Variants in LRRC37A2 observed in about 807,000 individuals in gnomAD.
LRRC37A2 encodes the protein leucine-rich repeat-containing protein 37A2.
Under a neutral mutation model 68.8 loss-of-function variants are expected in LRRC37A2, and 9 were observed. The observed-to-expected ratio is 0.13, with a 90% CI of 0.08 to 0.23. LRRC37A2 has a LOEUF of 0.23. LRRC37A2 is among the 10% of genes least tolerant of loss of function. LRRC37A2 has a pLI of 1.00. For synonymous variants in LRRC37A2, 63 were observed against 367.6 expected, an observed-to-expected ratio of 0.17 and a Z score of 9.48; for missense variants, 168 against 950.4, an observed-to-expected ratio of 0.18 and a Z score of 10.82.
chr17:46,851,836 C>G, the LRRC37A2 span: 4 of 470,122 alleles, frequency 8.5e-6, no homozygotes, highest in Non-Finnish European at 1.3e-5. The surrounding 1 kb of genome is among the most constrained non-coding windows in gnomAD (Gnocchi z 4.3). Context: ...CGAACTCAGA[C>G]CCTAGCCCGG....
the LRRC37A2 span, chr17:47,018,381 C>T: frequency 2.7e-5 from 44 of 1,608,782 alleles, no homozygotes; most frequent in Non-Finnish European, 3.1e-5. Flanking sequence ...AGTTTCACCT[C>T]CAGGTCACCA....
At chr17:46,804,706 G>A in the LRRC37A2 span, among the ~76,000 whole-genome samples, 4 of 152,166 alleles carry the variant, frequency 2.6e-5, no homozygotes, top group Admixed American at 6.5e-5. Context: ...GAGGCCAGCC[G>A]GACTTCCTGG....
chr17:46,779,065 A>G, the LRRC37A2 span, among the ~76,000 whole-genome samples: 1 of 93,910 alleles, frequency 1.1e-5, no homozygotes, highest in African/African-American at 3.0e-5. Flanking sequence ...ACACACACAC[A>G]CACACACACA....
At chr17:46,986,466 T>C in the LRRC37A2 span, among the ~76,000 whole-genome samples, 4 of 152,010 alleles carry the variant, frequency 2.6e-5, no homozygotes, top group Non-Finnish European at 5.9e-5. Flanking sequence ...AACTGTAGGG[T>C]GTAATTAAGC....
the LRRC37A2 span, chr17:46,940,876 T>C: frequency 7.1e-7 from 1 of 1,412,136 alleles, no homozygotes; most frequent in South Asian, 1.5e-5. Context: ...CTGCATGTTG[T>C]CACATGACCA....
the LRRC37A2 span, chr17:46,875,132 G>A: frequency 1.2e-6 from 2 of 1,613,826 alleles, no homozygotes; most frequent in Non-Finnish European, 1.7e-6. Context: ...TGTACGCGGT[G>A]TCCTCTGCCG....
the LRRC37A2 span, among the ~76,000 whole-genome samples, chr17:46,730,677 T>C: frequency 6.6e-6 from 1 of 152,184 alleles, no homozygotes; most frequent in Admixed American, 6.5e-5. Context: ...AAAAAATTTT[T>C]CAGTGTCTTT....
At chr17:46,712,412 G>T in the LRRC37A2 span, among the ~76,000 whole-genome samples, 2 of 152,172 alleles carry the variant, frequency 1.3e-5, no homozygotes, top group Non-Finnish European at 2.9e-5. Context: ...ATATTTGTTA[G>T]ATTGGATGTG....
the LRRC37A2 span, among the ~76,000 whole-genome samples, chr17:46,743,246 GA>G: frequency 6.6e-6 from 1 of 152,292 alleles, no homozygotes; most frequent in South Asian, 2.1e-4. Flanking sequence ...TTTTTGGGAA[GA>G]GAGGGATTTT....
chr17:46,601,961 A>T, the LRRC37A2 span, among the ~76,000 whole-genome samples: 1 of 145,504 alleles, frequency 6.9e-6, no homozygotes, highest in Non-Finnish European at 1.5e-5. Context: ...AGGCGGGTGG[A>T]TCACTTGAAG....
At chr17:46,915,884 T>A in the LRRC37A2 span, among the ~76,000 whole-genome samples, 1 of 152,220 alleles carries the variant, frequency 6.6e-6, no homozygotes, top group South Asian at 2.1e-4. Context: ...TGGTACTGAT[T>A]GGCTAATTTG....
chr17:46,818,564 G>GCA, the LRRC37A2 span: 1 of 1,608,812 alleles, frequency 6.2e-7, no homozygotes, highest in Non-Finnish European at 8.5e-7. Flanking sequence ...CCGAGCAGGA[G>GCA]GCCGAGGAGC....
chr17:47,008,212 G>C, the LRRC37A2 span, among the ~76,000 whole-genome samples: 1 of 150,934 alleles, frequency 6.6e-6, no homozygotes, highest in East Asian at 1.9e-4. Flanking sequence ...CTGGGTTCAT[G>C]CCATTCTCCT....
At chr17:46,819,990 C>G in the LRRC37A2 span, among the ~76,000 whole-genome samples, 1 of 152,166 alleles carries the variant, frequency 6.6e-6, no homozygotes, top group African/African-American at 2.4e-5. The surrounding 1 kb of genome is among the most constrained non-coding windows in gnomAD (Gnocchi z 5.3). Context: ...GAGCAGGGAC[C>G]GCTGTGTAGG....
the LRRC37A2 span, among the ~76,000 whole-genome samples, chr17:46,731,240 CCA>C: frequency 6.6e-6 from 1 of 152,012 alleles, no homozygotes; most frequent in South Asian, 2.1e-4. Context: ...GTCAAAAAGA[CCA>C]CATATTGGAT....
chr17:46,708,596 A>C, the LRRC37A2 span, among the ~76,000 whole-genome samples: 1 of 142,658 alleles, frequency 7.0e-6, no homozygotes, highest in Non-Finnish European at 1.5e-5. Flanking sequence ...GGTTTAAGTG[A>C]TTCTCCTGCC....
the LRRC37A2 span, among the ~76,000 whole-genome samples, chr17:46,816,257 G>A: frequency 6.6e-6 from 1 of 151,500 alleles, no homozygotes; most frequent in Non-Finnish European, 1.5e-5. Context: ...ACTTCTCTCT[G>A]TCTCTTACAC....
At chr17:46,753,234 C>T in the LRRC37A2 span, among the ~76,000 whole-genome samples, 1 of 152,188 alleles carries the variant, frequency 6.6e-6, no homozygotes, top group South Asian at 2.1e-4. Flanking sequence ...GATGGTCCTG[C>T]ATTCTGCTAG....
chr17:46,755,818 G>T, the LRRC37A2 span: 4 of 1,596,750 alleles, frequency 2.5e-6, no homozygotes, highest in Non-Finnish European at 2.6e-6. Context: ...CCTTGATTTT[G>T]ATTGAAAATG....
Sources: allele counts gnomAD v4.1 joint callset (sites outside exome capture counted in the v4.1 genomes callset), GRCh38; gene constraint gnomAD v4.1.1; non-coding constraint Gnocchi (gnomAD v3.1); transcripts MANE v1.5; gene names NCBI Gene and HGNC (gene_info 2026-07-23, HGNC 2026-07-21).